Variants in SMU1 observed in about 807,000 individuals in gnomAD.
SMU1 encodes WD40 repeat-containing protein SMU1.
A neutral mutation model predicts 62.0 loss-of-function variants in SMU1; 2 were observed. The ratio of observed to expected loss-of-function variants is 0.03; its 90% CI spans 0.01 to 0.10. SMU1 has a LOEUF of 0.10. Ranked by LOEUF, SMU1 falls within the 10% of genes least tolerant of loss-of-function variation. SMU1 has a pLI of 1.00. For synonymous variants in SMU1, 188 were observed against 212.4 expected (o/e 0.89, Z 1.00); for missense variants, 227 against 622.1 (o/e 0.36, Z 6.76).
intron 1 of SMU1, 38 bp from the exon 2 acceptor site, chr9:33,073,844 C>T (rs748254549): frequency 1.3e-6 from 2 of 1,586,692 alleles, no homozygotes; most frequent in South Asian, 1.1e-5. Flanking sequence ...GGGATTCTCA[C>T]TCACCAGAGG....
intron 11 of SMU1, among the ~76,000 whole-genome samples, chr9:33,047,840 C>A (rs1041389993): frequency 6.6e-6 from 1 of 152,054 alleles, no homozygotes; most frequent in Admixed American, 6.6e-5. Context: ...GCCTGGGTGA[C>A]AGAGTGAGAC....
At chr9:33,056,999 C>G in intron 7 of SMU1, 35 bp from the exon 8 acceptor site, 2 of 1,588,630 alleles carry the variant, frequency 1.3e-6, no homozygotes, top group South Asian at 1.1e-5. Flanking sequence ...TTAAAAAAAC[C>G]TTGTTAAGTG....
Position 33,057,680 on chromosome 9 carries a change from A to T in SMU1, c.785T>A (p.Met262Lys). ...LKYQAQDNFM[M>K]MDDAVLCMCF... ...CATGCAGAGGACAGCATCATCCATC[A>T]TCATAAAGTTATCTTGGGCCTGGTA... The change falls in exon 7 of 12, where the codon ATG (methionine) becomes AAG (lysine). Residue 262 changes from methionine to lysine, a missense_variant. Around this residue, in one of 5 missense-constraint regions of SMU1, gnomAD observed 98 missense variants for 195.9 expected, o/e 0.50. Coordinates refer to ENST00000397149, the MANE Select transcript of SMU1 (RefSeq NM_018225.3). 1 of 1,613,974 alleles carries T rather than the reference A, an allele frequency of 6.2e-7. No homozygotes were observed. The highest frequency in any genetic ancestry group is 8.5e-7 in the Non-Finnish European group (1 of 1,179,968).
At position 33,042,627 on chromosome 9, in the gene SMU1, TA is replaced by T; in HGVS notation, c.*4665del. The T allele has an allele frequency of 6.6e-6, 1 of 152,146 alleles. No individual in the cohort carries two copies. The highest frequency in any genetic ancestry group is 3.2e-3 in the Middle Eastern group (1 of 316). 9.4% of individuals were successfully genotyped at this position (152,146 alleles called of 1,614,324 possible). On this transcript the variant is annotated 3_prime_UTR_variant, in exon 12 of 12. Transcript: ENST00000397149. ...ACCATTGGAATTACCCGGGAAACATTAAAACACTCATCAGGTCCCACCCTCC... is the reference window on the plus strand; with the variant it reads ...ACCATTGGAATTACCCGGGAAACATTAAACACTCATCAGGTCCCACCCTCC...
rs1839454990 is a variant in SMU1, at chr9:33,068,817, G to A, written c.501+7C>T. The A allele has an allele frequency of 1.2e-6, 2 of 1,613,532 alleles. No individual in the cohort carries two copies. Among genetic ancestry groups the A allele is most frequent in the Non-Finnish European group, 1.7e-6 (2 of 1,179,870 alleles). On this transcript the variant is annotated splice_region_variant and intron_variant, in intron 4 of 11. Transcript: ENST00000397149. ...ACCACACCTGGCCTCTACAGGAATT[G>A]AATTACCTGTCCCAGCAATGCCATG...
In SMU1 at chr9:33,043,992, TAAAAAAAAAA is replaced by T. The variant is rs141620295; in HGVS notation, c.*3291_*3300del. 8.5e-6 allele frequency: 1 copy of T among 118,112 alleles called. No homozygotes were observed. Among genetic ancestry groups the T allele is most frequent in the African/African-American group, 3.1e-5 (1 of 32,200 alleles). 7.3% of individuals were successfully genotyped at this position (118,112 alleles called of 1,614,324 possible). On this transcript the variant is annotated 3_prime_UTR_variant, in exon 12 of 12. Transcript: ENST00000397149. ...ACCTGAGATTTATACCATTTGCTGTTAAAAAAAAAAAAAAAAAAAAAGCCATACTACTCCC... is the reference window on the plus strand; with the variant it reads ...ACCTGAGATTTATACCATTTGCTGTTAAAAAAAAAAAGCCATACTACTCCC...
chr9:33,065,267 C>G (rs1274308663), intron 4 of SMU1, among the ~76,000 whole-genome samples: 2 of 152,152 alleles, frequency 1.3e-5, no homozygotes, highest in Non-Finnish European at 2.9e-5. Context: ...TCTACCCCAG[C>G]CCCCAACAAA....
At chr9:33,056,016 A>C in intron 9 of SMU1, 97 bp downstream of exon 9, 1 of 1,242,276 alleles carries the variant, frequency 8.0e-7, no homozygotes, top group Non-Finnish European at 1.1e-6. Flanking sequence ...AAAGAGGTTT[A>C]CTACAGCACA....
rs974154186 is a variant in SMU1, at chr9:33,076,659, G to C, written c.-51C>G. 9 of 1,612,760 alleles carry C rather than the reference G, an allele frequency of 5.6e-6. No homozygotes were observed. The African/African-American group carries it at 1.2e-4, about 22-fold the overall frequency. ...CCAGCTCTCCCTCAAGGCCAGTCGCGCAACACACCAACGACACCTCCGGCG... is the reference window on the plus strand; with the variant it reads ...CCAGCTCTCCCTCAAGGCCAGTCGCCCAACACACCAACGACACCTCCGGCG... On this transcript the variant is annotated 5_prime_UTR_variant, in exon 1 of 12. Coordinates refer to ENST00000397149, the MANE Select transcript of SMU1 (RefSeq NM_018225.3).
intron 10 of SMU1, 81 bp downstream of exon 10, chr9:33,053,042 G>T (rs1839266562): frequency 1.5e-6 from 2 of 1,329,322 alleles, no homozygotes. Flanking sequence ...TTTGGTTATT[G>T]GGAGGGTGGG....
chr9:33,062,817 C>T (rs942467224), intron 4 of SMU1, among the ~76,000 whole-genome samples: 2 of 152,028 alleles, frequency 1.3e-5, no homozygotes, highest in East Asian at 1.9e-4. Context: ...GGGTATATTC[C>T]TGGAAAAGAA....
chr9:33,068,654 C>T (rs1187884864), intron 4 of SMU1, among the ~76,000 whole-genome samples, 170 bp downstream of exon 4: 2 of 151,904 alleles, frequency 1.3e-5, no homozygotes, highest in Admixed American at 1.3e-4. Context: ...ACAGGCACAC[C>T]CCACCATAAC....
intron 10 of SMU1, among the ~76,000 whole-genome samples, chr9:33,052,905 G>A (rs775975498): frequency 6.6e-6 from 1 of 152,228 alleles, no homozygotes; most frequent in African/African-American, 2.4e-5. Flanking sequence ...GGATGAAAGT[G>A]CTTAATATAC....
intron 9 of SMU1, among the ~76,000 whole-genome samples, chr9:33,055,891 T>G (rs1293701134): frequency 6.6e-6 from 1 of 152,212 alleles, no homozygotes; most frequent in East Asian, 1.9e-4. Context: ...CTACACATGA[T>G]AAAGTTTGTT....
At chr9:33,049,887 A>G (rs1839224634) in intron 10 of SMU1, among the ~76,000 whole-genome samples, 1 of 152,158 alleles carries the variant, frequency 6.6e-6, no homozygotes, top group South Asian at 2.1e-4. Flanking sequence ...GCAGTGAGCT[A>G]TGATCATGCC....
intron 8 of SMU1, 116 bp from the exon 9 acceptor site, chr9:33,056,355 A>G (rs1587708169): frequency 9.4e-7 from 1 of 1,062,410 alleles, no homozygotes; most frequent in East Asian, 2.7e-5. Flanking sequence ...TATTAAGTGA[A>G]GAGGGCTATG....
intron 3 of SMU1, 59 bp from the exon 4 acceptor site, chr9:33,068,993 C>T: frequency 6.4e-7 from 1 of 1,573,322 alleles, no homozygotes; most frequent in Non-Finnish European, 8.6e-7. Context: ...TATGAGTGTG[C>T]TTATTTAAAA....
intron 6 of SMU1, 89 bp from the exon 7 acceptor site, chr9:33,057,803 T>A: frequency 6.4e-7 from 1 of 1,551,246 alleles, no homozygotes; most frequent in Non-Finnish European, 8.7e-7. Flanking sequence ...GGGCAATGGA[T>A]TGTACCTACT....
chr9:33,051,241 A>C (rs1839245832), intron 10 of SMU1, among the ~76,000 whole-genome samples: 1 of 152,240 alleles, frequency 6.6e-6, no homozygotes, highest in Non-Finnish European at 1.5e-5. Flanking sequence ...TATGTTTCCA[A>C]CTACATAACC....
Sources: gnomAD v4.1 joint callset for allele counts (sites outside exome capture counted in the v4.1 genomes callset) on GRCh38, gnomAD v4.1.1 for gene constraint, gnomAD v4.1.1 regional missense constraint, MANE v1.5 for transcripts, NCBI Gene and HGNC (gene_info 2026-07-23, HGNC 2026-07-21) for gene names.